Variants in DMRT1 observed in about 807,000 individuals in gnomAD.
DMRT1 encodes the protein doublesex and mab-3 related transcription factor 1, also known as doublesex- and mab-3-related transcription factor 1.
DMRT1 carries 7 observed loss-of-function variants against 32.3 expected under a neutral mutation model. The ratio of observed to expected loss-of-function variants is 0.22; its 90% CI spans 0.12 to 0.41. The LOEUF (loss-of-function observed/expected upper bound fraction) is 0.41, where lower values mean the gene tolerates loss of function less well. Ranked by LOEUF, DMRT1 falls within the 10% of genes least tolerant of loss-of-function variation. DMRT1 has a pLI of 1.00. For missense variants in DMRT1, 625 were observed against 500.5 expected, an observed-to-expected ratio of 1.25 and a Z score of -2.37; for synonymous variants, 278 against 206.1, an observed-to-expected ratio of 1.35 and a Z score of -2.99.
At chr9:857,986 A>C (rs1589455591) in intron 2 of DMRT1, among the ~76,000 whole-genome samples, 1 of 152,022 alleles carries the variant, frequency 6.6e-6, no homozygotes. Context: ...ATAGTATTCC[A>C]TGGTGTATAT....
At chr9:857,620 GTTTC>G (rs1815455695) in intron 2 of DMRT1, among the ~76,000 whole-genome samples, 1 of 152,050 alleles carries the variant, frequency 6.6e-6, no homozygotes. Context: ...TAATCTGTGA[GTTTC>G]TTTTTTTTTC....
At chr9:958,966 C>T (rs537771175) in intron 4 of DMRT1, among the ~76,000 whole-genome samples, 1 of 152,188 alleles carries the variant, frequency 6.6e-6, no homozygotes, top group Non-Finnish European at 1.5e-5. Context: ...TCACACCTTA[C>T]CCTTTCAGAC....
intron 4 of DMRT1, among the ~76,000 whole-genome samples, chr9:962,271 G>A (rs1350215852): frequency 6.6e-6 from 1 of 152,108 alleles, no homozygotes; most frequent in African/African-American, 2.4e-5. Flanking sequence ...GTCAGTGGGA[G>A]GAAAGTTCCC....
At chr9:872,533 A>T (rs1816317865) in intron 2 of DMRT1, among the ~76,000 whole-genome samples, 1 of 152,114 alleles carries the variant, frequency 6.6e-6, no homozygotes, top group South Asian at 2.1e-4. Context: ...CTATCTGTAT[A>T]GGTTTGCCTA....
intron 4 of DMRT1, among the ~76,000 whole-genome samples, chr9:961,343 G>A (rs566208039): frequency 2.5e-4 from 38 of 152,248 alleles, no homozygotes; most frequent in African/African-American, 8.2e-4. Flanking sequence ...GATGAGACCC[G>A]TACTTATTTG....
chr9:905,937 C>T (rs12553424), intron 3 of DMRT1, among the ~76,000 whole-genome samples: 14,296 of 152,038 alleles, frequency 0.094, 756 homozygotes, highest in South Asian at 0.18. Flanking sequence ...CCTTGCAGGG[C>T]AGTGCACATT....
chr9:944,146 A>T (rs1819165731), intron 4 of DMRT1, among the ~76,000 whole-genome samples: 1 of 152,216 alleles, frequency 6.6e-6, no homozygotes, highest in Non-Finnish European at 1.5e-5. Context: ...TGTGTGGAGT[A>T]AGTGAAATAG....
intron 4 of DMRT1, among the ~76,000 whole-genome samples, chr9:937,183 C>G (rs536973835): frequency 6.6e-6 from 1 of 152,292 alleles, no homozygotes; most frequent in South Asian, 2.1e-4. Context: ...GACCCTCATT[C>G]CTTTTTATGG....
intron 2 of DMRT1, among the ~76,000 whole-genome samples, chr9:862,041 C>G (rs7030446): frequency 0.32 from 43,389 of 134,996 alleles, 6,029 homozygotes; most frequent in Middle Eastern, 0.41. Context: ...CGGAGGGGCT[C>G]CTCACATCCC....
intron 2 of DMRT1, among the ~76,000 whole-genome samples, chr9:872,304 A>T (rs976036165): frequency 6.6e-6 from 1 of 150,846 alleles, no homozygotes; most frequent in Non-Finnish European, 1.5e-5. Context: ...CTTGTGATCC[A>T]CCCGCCTTGG....
At chr9:899,705 C>G (rs750511724) in intron 3 of DMRT1, among the ~76,000 whole-genome samples, 2 of 152,246 alleles carry the variant, frequency 1.3e-5, no homozygotes, top group Non-Finnish European at 2.9e-5. Flanking sequence ...CTTGTGCACT[C>G]CTCCACCGCA....
chr9:915,767 C>T (rs972456728), intron 3 of DMRT1, among the ~76,000 whole-genome samples: 5 of 150,256 alleles, frequency 3.3e-5, no homozygotes, highest in Non-Finnish European at 5.9e-5. Flanking sequence ...GAGTCTCGCT[C>T]TGTCGCCCAG....
chr9:899,945 G>A (rs1211183649), intron 3 of DMRT1, among the ~76,000 whole-genome samples: 1 of 152,150 alleles, frequency 6.6e-6, no homozygotes, highest in Non-Finnish European at 1.5e-5. Context: ...CAGTTATTTC[G>A]TTCTTTCTGG....
At chr9:890,883 G>A (rs1817120999) in intron 2 of DMRT1, among the ~76,000 whole-genome samples, 1 of 151,680 alleles carries the variant, frequency 6.6e-6, no homozygotes, top group Non-Finnish European at 1.5e-5. Flanking sequence ...CCGATGTCCG[G>A]CTAATTTTTT....
chr9:945,155 C>G (rs1355155646), intron 4 of DMRT1, among the ~76,000 whole-genome samples: 1 of 151,948 alleles, frequency 6.6e-6, no homozygotes, highest in African/African-American at 2.4e-5. Flanking sequence ...GTCTTTCTTT[C>G]TTTCTTTCTT....
intron 4 of DMRT1, among the ~76,000 whole-genome samples, chr9:953,503 C>T (rs1013705995): frequency 2.6e-5 from 4 of 152,160 alleles, no homozygotes; most frequent in Admixed American, 6.5e-5. Flanking sequence ...GCCTCTGCCC[C>T]CCCGACCTTT....
intron 4 of DMRT1, 38 bp downstream of exon 4, chr9:916,945 G>A (rs761007245): frequency 1.5e-5 from 24 of 1,613,162 alleles, no homozygotes; most frequent in Admixed American, 5.0e-5. Context: ...TTGGGGTTGA[G>A]AGAGGATGGC....
At chr9:921,945 A>G (rs1312470284) in intron 4 of DMRT1, among the ~76,000 whole-genome samples, 1 of 152,188 alleles carries the variant, frequency 6.6e-6, no homozygotes, top group Non-Finnish European at 1.5e-5. Context: ...CAGGGGTGCA[A>G]TCATAGCTCA....
intron 2 of DMRT1, among the ~76,000 whole-genome samples, chr9:878,078 A>G (rs941415904): frequency 1.3e-5 from 2 of 152,238 alleles, no homozygotes; most frequent in African/African-American, 2.4e-5. Context: ...GGGCAATTAC[A>G]GATAATGGCC....
Sources: gnomAD v4.1 joint callset for allele counts (sites outside exome capture counted in the v4.1 genomes callset) on GRCh38, gnomAD v4.1.1 for gene constraint, MANE v1.5 for transcripts, NCBI Gene and HGNC (gene_info 2026-07-23, HGNC 2026-07-21) for gene names.